Variants in DPH1 observed in about 807,000 individuals in gnomAD.
DPH1 encodes the protein 2-(3-amino-3-carboxypropyl)histidine synthase subunit 1.
Under a neutral mutation model 55.3 loss-of-function variants are expected in DPH1, and 59 were observed. That is an observed-to-expected ratio of 1.07 (90% CI 0.87 to 1.33). The LOEUF is 1.33. Ranked by LOEUF, DPH1 falls within the 40% of genes most tolerant of loss-of-function variation. The pLI, the probability that DPH1 is intolerant of heterozygous loss-of-function variation, is 0.00. For missense variants in DPH1, 628 were observed against 584.8 expected, an observed-to-expected ratio of 1.07 and a Z score of -0.76; for synonymous variants, 238 against 235.5, an observed-to-expected ratio of 1.01 and a Z score of -0.10.
In DPH1 at chr17:2,036,217, G is replaced by GAAGGCAGAGGCCACCCCA; in HGVS notation, c.400+126_400+127insAAGGCAGAGGCCACCCCA. On this transcript the variant is annotated intron_variant, in intron 4 of 12. Coordinates refer to ENST00000263083, the MANE Select transcript of DPH1 (RefSeq NM_001383.6). This position sits in a 1 kb window ranked among gnomAD's most constrained non-coding sequence, Gnocchi z 4.8. ...ACACAAGGTCCCTCCTGGTTTCTGG[G>GAAGGCAGAGGCCACCCCA]GTGGCCTCTGCCTTCCCGCTCTGCA... 1 of 1,458,948 alleles carries GAAGGCAGAGGCCACCCCA rather than the reference G, an allele frequency of 6.9e-7. No individual in the cohort carries two copies. Among genetic ancestry groups the GAAGGCAGAGGCCACCCCA allele is most frequent in the Non-Finnish European group, 9.1e-7 (1 of 1,099,242 alleles). 90.4% of individuals were successfully genotyped at this position (1,458,948 alleles called of 1,614,324 possible). A position where few individuals can be genotyped will look rare whatever the true frequency, so the allele number is the denominator to read the frequency against.
rs2151359990 is a variant in DPH1 at position 2,043,414 on chromosome 17, T to C, written c.*828T>C. 3.3e-6 allele frequency: 1 copy of C among 299,814 alleles called. No individual in the cohort carries two copies. The highest frequency in any genetic ancestry group is 6.2e-6 in the Non-Finnish European group (1 of 161,174). The allele number at this position is 299,814 out of a possible 1,614,324, so 18.6% of individuals were successfully genotyped here. A position where few individuals can be genotyped will look rare whatever the true frequency, so the allele number is the denominator to read the frequency against. On this transcript the variant is annotated 3_prime_UTR_variant, in exon 13 of 13. Coordinates refer to ENST00000263083, the MANE Select transcript of DPH1 (RefSeq NM_001383.6). ...CCATGGTGACTGCCACATAATAAAG[T>C]GGTGATTTGGATTTTGAGCATCTTT...
At chr17:2,042,571 C>G in intron 12 of DPH1, 34 bp from the exon 13 acceptor site, 1 of 1,507,460 alleles carries the variant, frequency 6.6e-7, no homozygotes, top group Non-Finnish European at 8.8e-7. Context: ...CCTCCCATGC[C>G]CTAATCCCAT....
chr17:2,032,172 C>T (rs986562555), intron 1 of DPH1, among the ~76,000 whole-genome samples: 1 of 152,162 alleles, frequency 6.6e-6, no homozygotes, highest in Non-Finnish European at 1.5e-5. Flanking sequence ...TTATAGACCT[C>T]ATATCTAGAA....
In DPH1 at chr17:2,041,630, G is replaced by C; in HGVS notation, c.1227+9G>C. 2 of 1,600,594 alleles carry C rather than the reference G, an allele frequency of 1.2e-6. No individual in the cohort carries two copies. The highest frequency in any genetic ancestry group is 1.7e-6 in the Non-Finnish European group (2 of 1,174,520). On this transcript the variant is annotated intron_variant, in intron 11 of 12. Coordinates refer to ENST00000263083, the MANE Select transcript of DPH1 (RefSeq NM_001383.6). Reference sequence around the variant, plus strand: ...GGCCCGCGCGGGGGAAGGTAGGCGGGGGCTTCCAGGAGGGAGGAGAGACCG... The same window carrying C: ...GGCCCGCGCGGGGGAAGGTAGGCGGCGGCTTCCAGGAGGGAGGAGAGACCG...
chr17:2,043,515 C>T lies in DPH1; in HGVS notation c.*929C>T, dbSNP rs2067583839. The T allele has an allele frequency of 5.5e-6, 1 of 181,864 alleles. No individual in the cohort carries two copies. The highest frequency in any genetic ancestry group is 2.4e-5 in the African/African-American group (1 of 42,042). The allele number at this position is 181,864 out of a possible 1,614,324, so 11.3% of individuals were successfully genotyped here. A position where few individuals can be genotyped will look rare whatever the true frequency, so the allele number is the denominator to read the frequency against. On this transcript the variant is annotated 3_prime_UTR_variant, in exon 13 of 13. Coordinates refer to ENST00000263083, the MANE Select transcript of DPH1 (RefSeq NM_001383.6). ...CATCTACATAGTTTTCTGGGCAGCG[C>T]CAAGCAGGGAGGTGTCTCCAGTTGT...
At chr17:2,042,206 C>A (rs777925571) in intron 12 of DPH1, 6 of 1,433,004 alleles carry the variant, frequency 4.2e-6, no homozygotes, top group Non-Finnish European at 5.5e-6. Flanking sequence ...ACCCCCCGGG[C>A]CCCGAGGGCG....
rs2067431051 is a variant in DPH1, at chr17:2,036,647, TGCCCTGGTCA to T, written c.522_531del (p.Leu175ProfsTer15). 1 of 1,614,010 alleles carries T rather than the reference TGCCCTGGTCA, an allele frequency of 6.2e-7. No homozygotes were observed. The highest frequency in any genetic ancestry group is 8.5e-7 in the Non-Finnish European group (1 of 1,180,016). The stretch of plus-strand genomic sequence containing the variant: ...TCACCTTTCCCCCAGCCACTGCCCT[TGCCCTGGTCA>T]GCACCATTCAGTTTGTGTCGACCTT... On this transcript the variant is annotated frameshift_variant, in exon 5 of 13. Coordinates refer to ENST00000263083, the MANE Select transcript of DPH1 (RefSeq NM_001383.6). LOFTEE classifies it high-confidence loss of function. The surrounding 1 kb of genome is among the most constrained non-coding windows in gnomAD (Gnocchi z 4.8).
rs2067575600 is a variant in DPH1 at position 2,043,074 on chromosome 17, C to T, written c.*488C>T. 1.9e-6 allele frequency: 3 copies of T among 1,613,808 alleles called. No homozygotes were observed. The highest frequency in any genetic ancestry group is 2.7e-5 in the African/African-American group (2 of 74,934). Reference sequence around the variant, plus strand: ...CAGCTGCACCCCAGCGTCAGGCCTACCTCAAGTTCTTGGACCAGTTTGCAG... The same window carrying T: ...CAGCTGCACCCCAGCGTCAGGCCTATCTCAAGTTCTTGGACCAGTTTGCAG... On this transcript the variant is annotated 3_prime_UTR_variant, in exon 13 of 13. Coordinates refer to ENST00000263083, the MANE Select transcript of DPH1 (RefSeq NM_001383.6).
intron 6 of DPH1, among the ~76,000 whole-genome samples, chr17:2,038,248 C>G (rs1257131060): frequency 6.6e-6 from 1 of 151,882 alleles, no homozygotes; most frequent in Non-Finnish European, 1.5e-5. Context: ...TCGCTTGAGC[C>G]TGGGAGGTTG....
At chr17:2,037,078 C>A (rs2151348614) in intron 6 of DPH1, 122 bp downstream of exon 6, 1 of 1,411,332 alleles carries the variant, frequency 7.1e-7, no homozygotes, top group East Asian at 2.5e-5. Flanking sequence ...AGCCCGAGGT[C>A]ACACTGCAAG....
chr17:2,042,460 A>G, intron 12 of DPH1, 145 bp from the exon 13 acceptor site: 1 of 1,264,238 alleles, frequency 7.9e-7, no homozygotes, highest in South Asian at 1.9e-5. Flanking sequence ...CAATCCACTC[A>G]TTTCCCCCCT....
At chr17:2,042,399 C>G in intron 12 of DPH1, 1 of 1,260,868 alleles carries the variant, frequency 7.9e-7, no homozygotes, top group Middle Eastern at 2.2e-4. Flanking sequence ...TGCAGCCTGT[C>G]CTCCCAGGCT....
Position 2,033,664 on chromosome 17 carries a change from C to G in DPH1, c.214+7C>G. 1.9e-6 allele frequency: 3 copies of G among 1,613,896 alleles called. No homozygotes were observed. The highest frequency in any genetic ancestry group is 2.5e-6 in the Non-Finnish European group (3 of 1,179,812). Reference sequence around the variant, plus strand: ...CAAGCCCAGGCCAAGAAGGGTGAGCCTGTGATCATTGAGCTGGGGTTGGGG... The same window carrying G: ...CAAGCCCAGGCCAAGAAGGGTGAGCGTGTGATCATTGAGCTGGGGTTGGGG... On this transcript the variant is annotated splice_region_variant and intron_variant, in intron 2 of 12. Coordinates refer to ENST00000263083, the MANE Select transcript of DPH1 (RefSeq NM_001383.6).
chr17:2,041,131 T>C lies in DPH1; in HGVS notation c.1036T>C (p.Ser346Pro). 6.2e-7 allele frequency: 1 copy of C among 1,605,306 alleles called. No individual in the cohort carries two copies. Among genetic ancestry groups the C allele is most frequent in the Non-Finnish European group, 8.5e-7 (1 of 1,176,028 alleles). ...GGTGCAGGTGGCATGTCCACGTCTC[T>C]CCATTGACTGGGGCACAGCCTTCCC... ...VWVQVACPRLSIDWGTAFPKP... is the reference protein window; with the variant it reads ...VWVQVACPRLPIDWGTAFPKP... Residue 346 changes from serine (S) to proline (P), a missense_variant, in exon 10 of 13, where the codon TCC (serine) becomes CCC (proline). Ser to Pro is a moderately conservative substitution (Grantham distance 74). Transcript: ENST00000263083.
At chr17:2,031,919 C>G (rs1489232491) in intron 1 of DPH1, among the ~76,000 whole-genome samples, 1 of 152,146 alleles carries the variant, frequency 6.6e-6, no homozygotes, top group African/African-American at 2.4e-5. Context: ...CTCTAAGGGA[C>G]AAGGTCACTT....
chr17:2,034,996 G>C (rs1467866747), intron 3 of DPH1: 1 of 151,352 alleles, frequency 6.6e-6, no homozygotes, highest in African/African-American at 2.4e-5. Context: ...GGCTGACTTA[G>C]ACGCCTGGGC....
At chr17:2,031,366 G>A (rs1052282801) in intron 1 of DPH1, among the ~76,000 whole-genome samples, 1 of 151,942 alleles carries the variant, frequency 6.6e-6, no homozygotes, top group African/African-American at 2.4e-5. Flanking sequence ...TTTGAGACCA[G>A]CCTGGCCAAC....
Position 2,043,092 on chromosome 17 carries a change from G to C in DPH1, c.*506G>C. The C allele has an allele frequency of 1.2e-6, 2 of 1,613,276 alleles. No homozygotes were observed. The highest frequency in any genetic ancestry group is 1.7e-6 in the Non-Finnish European group (2 of 1,179,682). On this transcript the variant is annotated 3_prime_UTR_variant, in exon 13 of 13. Coordinates refer to ENST00000263083, the MANE Select transcript of DPH1 (RefSeq NM_001383.6). ...AGGCCTACCTCAAGTTCTTGGACCA[G>C]TTTGCAGAGTGAAAGATCAAGAAAT... is the stretch of plus-strand genomic sequence containing the variant.
At chr17:2,035,502 T>TGGGGGTCCGGGTGA (rs1555525098) in intron 3 of DPH1, among the ~76,000 whole-genome samples, 3 of 54,302 alleles carry the variant, frequency 5.5e-5, no homozygotes, top group Non-Finnish European at 1.2e-4. Context: ...GGGGAGGGGG[T>TGGGGGTCCGGGTGA]GGGGGCCCTG....
Sources: allele counts gnomAD v4.1 joint callset (sites outside exome capture counted in the v4.1 genomes callset), GRCh38; gene constraint gnomAD v4.1.1; non-coding constraint Gnocchi (gnomAD v3.1); transcripts MANE v1.5; gene names NCBI Gene and HGNC (gene_info 2026-07-23, HGNC 2026-07-21).